CHN2: variants seen among roughly 807,000 people sequenced by gnomAD.
CHN2 encodes beta-chimaerin.
Under a neutral mutation model 56.3 loss-of-function variants are expected in CHN2, and 35 were observed. The ratio of observed to expected loss-of-function variants is 0.62; its 90% CI spans 0.47 to 0.82. CHN2 has a LOEUF of 0.82. Ranked by LOEUF, CHN2 falls within the 40% of genes least tolerant of loss-of-function variation. The probability of loss-of-function intolerance (pLI) is 0.00; values close to 1 mark genes in which losing one functional copy is unlikely to be tolerated. For synonymous variants in CHN2, 210 were observed against 212.8 expected (o/e 0.99, Z 0.12); for missense variants, 491 against 580.5 (o/e 0.85, Z 1.58).
At chr7:29,500,180 C>G in intron 9 of CHN2, 140 bp downstream of exon 9, 1 of 521,800 alleles carries the variant, frequency 1.9e-6, no homozygotes, top group South Asian at 4.7e-5. Flanking sequence ...CACACACTCT[C>G]TCTCTCTCAC....
chr7:29,331,562 G>A (rs540750436), intron 1 of CHN2, among the ~76,000 whole-genome samples: 2 of 152,080 alleles, frequency 1.3e-5, no homozygotes, highest in Non-Finnish European at 2.9e-5. Context: ...CAGAGGAAAC[G>A]GAATTGAAGT....
intron 1 of CHN2, among the ~76,000 whole-genome samples, chr7:29,263,610 C>T (rs2128834718): frequency 6.6e-6 from 1 of 151,612 alleles, no homozygotes; most frequent in East Asian, 2.0e-4. Flanking sequence ...TGCCCATTAT[C>T]TGGGATGTGA....
chr7:29,155,539 G>GCTA (rs779024487), intron 2 of CHN2, among the ~76,000 whole-genome samples: 2 of 152,136 alleles, frequency 1.3e-5, no homozygotes, highest in African/African-American at 2.4e-5. Flanking sequence ...AGATCAAAGA[G>GCTA]CTACTGAGTG....
At chr7:29,174,433 C>T (rs1797004386) in intron 2 of CHN2, among the ~76,000 whole-genome samples, 1 of 152,254 alleles carries the variant, frequency 6.6e-6, no homozygotes, top group Admixed American at 6.5e-5. Context: ...CTGCTTCTCC[C>T]CCAAGAGGGA....
rs907077158 is a variant in CHN2, at chr7:29,147,102, C to T, written c.274+142C>T. ...ACAAACTAAGTGAGGTTAAGTAACC[C>T]ATCCAGGGTCACATTGCTTGTAAGT... On this transcript the variant is annotated intron_variant, in intron 2 of 6. Transcript: ENST00000439384. The T allele has an allele frequency of 3.5e-6, 4 of 1,132,156 alleles. No individual in the cohort carries two copies. The African/African-American group carries it at 6.2e-5, about 18-fold the overall frequency. The allele number at this position is 1,132,156 out of a possible 1,614,324, so 70.1% of individuals were successfully genotyped here. A position where few individuals can be genotyped will look rare whatever the true frequency, so the allele number is the denominator to read the frequency against.
At chr7:29,213,939 G>A (rs1785146103) in intron 1 of CHN2, among the ~76,000 whole-genome samples, 1 of 151,982 alleles carries the variant, frequency 6.6e-6, no homozygotes, top group African/African-American at 2.4e-5. Flanking sequence ...ATTCACACAA[G>A]CAATAATTGC....
At chr7:29,452,942 CT>C (rs1245228301) in intron 6 of CHN2, among the ~76,000 whole-genome samples, 1 of 152,208 alleles carries the variant, frequency 6.6e-6, no homozygotes, top group African/African-American at 2.4e-5. Context: ...CCTGACTTTC[CT>C]TACCTATAAA....
intron 6 of CHN2, among the ~76,000 whole-genome samples, chr7:29,467,700 G>A (rs1785651116): frequency 6.6e-6 from 1 of 152,196 alleles, no homozygotes; most frequent in African/African-American, 2.4e-5. Flanking sequence ...TCTGGAAGTA[G>A]CTTGCTCTGG....
At chr7:29,240,816 TTCGTCG>T (rs3046891) in intron 1 of CHN2, among the ~76,000 whole-genome samples, 11 of 149,442 alleles carry the variant, frequency 7.4e-5, no homozygotes, top group African/African-American at 2.0e-4. Flanking sequence ...CTTCTTCTTC[TTCGTCG>T]TCGTCGTCGT....
chr7:29,497,492 T>G (rs1217894952), intron 8 of CHN2, among the ~76,000 whole-genome samples: 1 of 146,886 alleles, frequency 6.8e-6, no homozygotes, highest in Non-Finnish European at 1.5e-5. Context: ...TCTGGTTTTG[T>G]TTTTTTTTTT....
chr7:29,168,539 A>G (rs1373118764), intron 2 of CHN2, among the ~76,000 whole-genome samples: 2 of 152,200 alleles, frequency 1.3e-5, no homozygotes, highest in Non-Finnish European at 2.9e-5. Context: ...AGAAAATGCC[A>G]GACATCCTAT....
At chr7:29,375,735 T>A (rs1290006556) in intron 3 of CHN2, among the ~76,000 whole-genome samples, 1 of 151,996 alleles carries the variant, frequency 6.6e-6, no homozygotes, top group Non-Finnish European at 1.5e-5. Flanking sequence ...ACAATTGTTA[T>A]GCGGAGGTAC....
intron 2 of CHN2, among the ~76,000 whole-genome samples, chr7:29,183,081 CTTTTT>C (rs34942216): frequency 7.6e-5 from 10 of 131,882 alleles, no homozygotes; most frequent in Non-Finnish European, 9.6e-5. Context: ...ACATGGCAGA[CTTTTT>C]TTTTTTTTTT....
chr7:29,479,734 C>T lies in CHN2; in HGVS notation c.577-545C>T, dbSNP rs987500064. On this transcript the variant is annotated intron_variant, in intron 6 of 12. Transcript: ENST00000222792. ...CTGGTGTGTTTGAGTGTGAAATGTG[C>T]TAATAAGGAGGAGAGACCTCTCCTT... The T allele has an allele frequency of 6.3e-6, 7 of 1,115,330 alleles. No homozygotes were observed. The African/African-American group carries it at 1.1e-4, about 18-fold the overall frequency. 69.1% of individuals were successfully genotyped at this position (1,115,330 alleles called of 1,614,324 possible).
intron 6 of CHN2, among the ~76,000 whole-genome samples, chr7:29,425,434 C>G (rs192354665): frequency 1.4e-4 from 21 of 151,802 alleles, no homozygotes; most frequent in African/African-American, 4.4e-4. Flanking sequence ...ATACAAGAAA[C>G]TCAGGTTTTG....
rs892293367 is a variant in CHN2 at position 29,281,174 on chromosome 7, C to G, written c.50-73451C>G. 2.0e-5 allele frequency among the ~76,000 whole-genome samples: 3 copies of G among 152,164 alleles called. No individual in the cohort carries two copies. The South Asian group carries it at 6.2e-4, about 32-fold the overall frequency. ...GTGCTCTGTCCTCAATCCACCAGTTCCTTTCTCAGAGATACCATTTTCTTG... is the reference window on the plus strand; with the variant it reads ...GTGCTCTGTCCTCAATCCACCAGTTGCTTTCTCAGAGATACCATTTTCTTG... On this transcript the variant is annotated intron_variant, in intron 1 of 12. Coordinates refer to ENST00000222792, the MANE Select transcript of CHN2 (RefSeq NM_004067.4).
intron 1 of CHN2, chr7:29,195,326 G>A (rs1379002717): frequency 6.5e-6 from 2 of 308,210 alleles, no homozygotes; most frequent in East Asian, 6.4e-5. Flanking sequence ...TGGCGGGGCG[G>A]AGAAGGTTGG....
At chr7:29,456,515 A>C (rs1784760046) in intron 6 of CHN2, among the ~76,000 whole-genome samples, 1 of 152,034 alleles carries the variant, frequency 6.6e-6, no homozygotes, top group African/African-American at 2.4e-5. Context: ...AAATGACTGT[A>C]TGAGCTCCAG....
chr7:29,411,159 A>T (rs1379344548), intron 6 of CHN2, among the ~76,000 whole-genome samples: 1 of 152,152 alleles, frequency 6.6e-6, no homozygotes, highest in African/African-American at 2.4e-5. Flanking sequence ...ATCAGGAAAC[A>T]GTTCTGCAGG....
Sources: allele counts gnomAD v4.1 joint callset (sites outside exome capture counted in the v4.1 genomes callset), GRCh38; gene constraint gnomAD v4.1.1; transcripts MANE v1.5; gene names NCBI Gene and HGNC (gene_info 2026-07-23, HGNC 2026-07-21).